Variants in MYCBP2 observed in about 807,000 individuals in gnomAD.
MYCBP2 encodes MYC binding protein 2, also known as E3 ubiquitin-protein ligase MYCBP2.
A neutral mutation model predicts 525.3 loss-of-function variants in MYCBP2; 120 were observed. The observed-to-expected ratio is 0.23, with a 90% CI of 0.20 to 0.27. The LOEUF (loss-of-function observed/expected upper bound fraction) is 0.27. Among genes scored for constraint, MYCBP2 ranks in the 10% least tolerant of loss-of-function variants. The probability of loss-of-function intolerance (pLI) is 1.00; values close to 1 mark genes in which losing one functional copy is unlikely to be tolerated. For missense variants in MYCBP2, 4,149 were observed against 5,657.1 expected, an observed-to-expected ratio of 0.73 and a Z score of 8.55; for synonymous variants, 1,894 against 1,955.8, an observed-to-expected ratio of 0.97 and a Z score of 0.83.
At chr13:77,170,730 C>T (rs2059050832) in intron 38 of MYCBP2, among the ~76,000 whole-genome samples, 1 of 152,046 alleles carries the variant, frequency 6.6e-6, no homozygotes, top group Non-Finnish European at 1.5e-5. Flanking sequence ...GCACCTGCCA[C>T]CACGCCTGGC....
chr13:77,220,711 C>T (rs903672189), intron 20 of MYCBP2, among the ~76,000 whole-genome samples: 2 of 152,104 alleles, frequency 1.3e-5, no homozygotes, highest in Non-Finnish European at 2.9e-5. Flanking sequence ...TTGTTCCTCC[C>T]AAGATTGTTC....
intron 43 of MYCBP2, 64 bp downstream of exon 43, chr13:77,164,390 T>C: frequency 9.0e-7 from 1 of 1,109,414 alleles, no homozygotes. Flanking sequence ...TTTTGGCCCT[T>C]TTATAATACA....
rs190507343 is a variant in MYCBP2, at chr13:77,073,749, T to C, written c.11823+3002A>G. ...ATTTTTATACACTAGAAATGAACAA[T>C]TGGAAAGTGAAATAAAAAATACCAT... On this transcript the variant is annotated intron_variant, in intron 68 of 82. Coordinates refer to ENST00000544440, the MANE Select transcript of MYCBP2 (RefSeq NM_015057.5). Among the ~76,000 whole-genome samples the C allele has an allele frequency of 1.5e-3, 232 of 152,134 alleles. 1 individual carries two copies. The highest frequency in any genetic ancestry group is 5.3e-3 in the African/African-American group (220 of 41,530).
intron 22 of MYCBP2, 85 bp downstream of exon 22, chr13:77,211,871 A>C (rs114984826): frequency 1.4e-5 from 15 of 1,096,350 alleles, no homozygotes; most frequent in Non-Finnish European, 2.0e-5. Context: ...CTACAAAAGT[A>C]CATTTCATTA....
intron 1 of MYCBP2, among the ~76,000 whole-genome samples, chr13:77,320,468 A>G (rs944988108): frequency 3.3e-5 from 5 of 152,196 alleles, no homozygotes; most frequent in African/African-American, 1.2e-4. Flanking sequence ...GCTAATAAAC[A>G]TAGAAGAAAT....
intron 1 of MYCBP2, among the ~76,000 whole-genome samples, chr13:77,297,264 C>T (rs914668241): frequency 6.6e-6 from 1 of 152,062 alleles, no homozygotes; most frequent in Non-Finnish European, 1.5e-5. Context: ...GTGCAAGAAA[C>T]AAGAAGCAAG....
intron 1 of MYCBP2, among the ~76,000 whole-genome samples, chr13:77,306,069 G>T (rs1567213306): frequency 2.0e-5 from 3 of 152,100 alleles, no homozygotes; most frequent in South Asian, 2.1e-4. Context: ...AGTCATAATG[G>T]TTAAAAATTA....
intron 24 of MYCBP2, 96 bp from the exon 25 acceptor site, chr13:77,205,694 T>C (rs748977792): frequency 1.9e-4 from 194 of 1,042,258 alleles, no homozygotes; most frequent in Non-Finnish European, 2.4e-4. Flanking sequence ...TTAAAATAAA[T>C]AAACTCAGAA....
intron 55 of MYCBP2, chr13:77,118,483 C>G (rs2050153777): frequency 2.6e-6 from 2 of 764,814 alleles, no homozygotes; most frequent in Non-Finnish European, 4.8e-6. Context: ...CAATATGGCA[C>G]TCAGTTGGTC....
At chr13:77,191,973 T>C (rs1433396373) in intron 27 of MYCBP2, among the ~76,000 whole-genome samples, 160 bp from the exon 28 acceptor site, 2 of 152,240 alleles carry the variant, frequency 1.3e-5, no homozygotes, top group Admixed American at 6.5e-5. Context: ...TGGACAAGAA[T>C]GCAAGCAAAT....
At chr13:77,147,491 C>T (rs1347804097) in intron 47 of MYCBP2, among the ~76,000 whole-genome samples, 1 of 152,052 alleles carries the variant, frequency 6.6e-6, no homozygotes, top group African/African-American at 2.4e-5. Context: ...GTCAAGATGT[C>T]CAACTGCTCA....
chr13:77,279,058 A>G (rs2075919774), intron 3 of MYCBP2, 147 bp from the exon 4 acceptor site: 2 of 459,594 alleles, frequency 4.4e-6, no homozygotes, highest in African/African-American at 2.0e-5. Context: ...AAAATGGCTT[A>G]TAACAATGAA....
chr13:77,262,252 T>G, intron 10 of MYCBP2, 123 bp from the exon 11 acceptor site: 2 of 711,488 alleles, frequency 2.8e-6, no homozygotes, highest in Non-Finnish European at 4.4e-6. Context: ...GATGACAAAA[T>G]GTCATGTGCT....
intron 1 of MYCBP2, among the ~76,000 whole-genome samples, chr13:77,314,301 A>T (rs1406146704): frequency 6.6e-6 from 1 of 152,186 alleles, no homozygotes; most frequent in Non-Finnish European, 1.5e-5. Flanking sequence ...CCACACAAAA[A>T]CCTGCACACA....
chr13:77,230,947 C>T (rs1044125479), intron 18 of MYCBP2, among the ~76,000 whole-genome samples: 7 of 152,098 alleles, frequency 4.6e-5, no homozygotes, highest in African/African-American at 1.7e-4. Flanking sequence ...GGATGTTCAA[C>T]ATGTCGTAAA....
intron 15 of MYCBP2, 95 bp from the exon 16 acceptor site, chr13:77,244,046 G>T: frequency 7.4e-7 from 1 of 1,349,334 alleles, no homozygotes; most frequent in Admixed American, 3.2e-5. Context: ...CCACATTTTT[G>T]AAATTGTTAA....
In MYCBP2 at chr13:77,217,040, C is replaced by T. The variant is rs568484864; in HGVS notation, c.3057+800G>A. ...AGCAAATGCTGGATCAAAATGTTAA[C>T]AATAGGTGAATCTGGTTAAAGACAC... On this transcript the variant is annotated intron_variant, in intron 21 of 82. Transcript: ENST00000544440. Among the ~76,000 whole-genome samples the T allele has an allele frequency of 1.9e-4, 29 of 152,308 alleles. No individual in the cohort carries two copies. In the South Asian group the frequency reaches 5.6e-3, roughly 29 times the overall value.
Position 77,157,566 on chromosome 13 carries a change from G to C in MYCBP2, c.6770+371C>G, listed in dbSNP as rs561594086. ...AACTATTCCAGCCTGGGCAACATGGGGAAACTCTGTTTCTACAAAAAATAC... is the reference window on the plus strand; with the variant it reads ...AACTATTCCAGCCTGGGCAACATGGCGAAACTCTGTTTCTACAAAAAATAC... On this transcript the variant is annotated intron_variant, in intron 45 of 82. Transcript: ENST00000544440. 1.0e-3 allele frequency among the ~76,000 whole-genome samples: 154 copies of C among 151,428 alleles called. No individual in the cohort carries two copies. The Middle Eastern group carries it at 0.017, about 17-fold the overall frequency.
At chr13:77,197,010 CA>C (rs1379793335) in intron 26 of MYCBP2, among the ~76,000 whole-genome samples, 1 of 151,894 alleles carries the variant, frequency 6.6e-6, no homozygotes, top group Non-Finnish European at 1.5e-5. Flanking sequence ...GTCAGTGGGA[CA>C]AAAGAAAAAT....
Sources: allele counts gnomAD v4.1 joint callset (sites outside exome capture counted in the v4.1 genomes callset), GRCh38; gene constraint gnomAD v4.1.1; transcripts MANE v1.5; gene names NCBI Gene and HGNC (gene_info 2026-07-23, HGNC 2026-07-21).